Variants in ATP5PF observed in about 807,000 individuals in gnomAD.
The protein encoded by ATP5PF is ATP synthase peripheral stalk subunit F6.
A neutral mutation model predicts 12.0 loss-of-function variants in ATP5PF; 7 were observed. The ratio of observed to expected loss-of-function variants is 0.58; its 90% CI spans 0.33 to 1.10. ATP5PF has a LOEUF of 1.10. Among genes scored for constraint, ATP5PF ranks in the 50% least tolerant of loss-of-function variants. ATP5PF has a pLI of 0.03. For missense variants in ATP5PF, 120 were observed against 127.7 expected, an observed-to-expected ratio of 0.94 and a Z score of 0.29; for synonymous variants, 41 against 45.4, an observed-to-expected ratio of 0.90 and a Z score of 0.39.
At position 25,729,746 on chromosome 21, in the gene ATP5PF, C is replaced by T. The variant is rs368127706; in HGVS notation, c.49G>A (p.Val17Ile). ...FRFSSVIRSA[V>I]SVHLRRNIGV... The stretch of plus-strand genomic sequence containing the variant: ...ATGTTCCTCCGCAAATGGACTGAGA[C>T]GGCTGACCGAATGACAGAGGAGAAC... Residue 17 changes from valine to isoleucine, a missense_variant, in exon 2 of 4, where the codon GTC (valine) becomes ATC (isoleucine). By Grantham distance (29) the Val-to-Ile change is conservative. Coordinates refer to ENST00000284971, the MANE Select transcript of ATP5PF (RefSeq NM_001003703.2). 2.0e-5 allele frequency: 32 copies of T among 1,613,744 alleles called. No individual in the cohort carries two copies. Among genetic ancestry groups the T allele is most frequent in the Middle Eastern group, 1.7e-4 (1 of 5,910 alleles).
upstream of ATP5PF, chr21:25,735,043 G>A: frequency 2.2e-6 from 3 of 1,382,746 alleles, no homozygotes; most frequent in Middle Eastern, 1.8e-4. Flanking sequence ...AGGTGAGACA[G>A]AAGCCAAACA....
intron 1 of ATP5PF, among the ~76,000 whole-genome samples, chr21:25,732,276 C>T (rs1249174637): frequency 6.6e-6 from 1 of 152,180 alleles, no homozygotes; most frequent in African/African-American, 2.4e-5. Flanking sequence ...CCTCCCACCC[C>T]TAAGAATTAT....
In ATP5PF at chr21:25,734,865, C is replaced by T. The variant is rs2034960739; in HGVS notation, c.-20G>A. ...CCCTCCCAGTCACCTTGCACTCAGT[C>T]CCGAGCTGCCAAAGCCTCCGCCGCC... On this transcript the variant is annotated 5_prime_UTR_variant, in exon 1 of 4. Transcript: ENST00000284971. 1.9e-6 allele frequency: 3 copies of T among 1,543,534 alleles called. No homozygotes were observed. The highest frequency in any genetic ancestry group is 2.7e-5 in the African/African-American group (2 of 73,112).
intron 2 of ATP5PF, among the ~76,000 whole-genome samples, chr21:25,726,765 T>C (rs2123441506): frequency 6.6e-6 from 1 of 152,380 alleles, no homozygotes; most frequent in South Asian, 2.1e-4. Context: ...TCATAAATAC[T>C]ACTGCCTACC....
At chr21:25,725,051 C>T (rs2034579769) in intron 3 of ATP5PF, 175 bp downstream of exon 3, 1 of 809,842 alleles carries the variant, frequency 1.2e-6, no homozygotes, top group Non-Finnish European at 1.9e-6. Context: ...ATGTGATCTC[C>T]TATACTGCTC....
intron 2 of ATP5PF, among the ~76,000 whole-genome samples, chr21:25,725,702 G>A (rs1335032548): frequency 6.6e-6 from 1 of 152,184 alleles, no homozygotes; most frequent in Non-Finnish European, 1.5e-5. Context: ...CCTCCCATAA[G>A]TGCTCGGATT....
intron 1 of ATP5PF, among the ~76,000 whole-genome samples, chr21:25,733,271 T>G (rs2034853714): frequency 6.6e-6 from 1 of 152,072 alleles, no homozygotes; most frequent in African/African-American, 2.4e-5. Context: ...GGCTCACGCT[T>G]GTAATCCCAG....
upstream of ATP5PF, chr21:25,734,914 C>G: frequency 6.4e-7 from 1 of 1,568,268 alleles, no homozygotes; most frequent in Non-Finnish European, 8.6e-7. Context: ...TACTTCCGGC[C>G]CTGGCTCCGC....
chr21:25,734,641 A>T, intron 1 of ATP5PF: 1 of 449,124 alleles, frequency 2.2e-6, no homozygotes, highest in South Asian at 5.2e-5. Flanking sequence ...TTGCCCTCAG[A>T]GAGGGTATCG....
upstream of ATP5PF, chr21:25,735,158 G>A: frequency 3.1e-6 from 2 of 638,462 alleles, no homozygotes; most frequent in South Asian, 3.6e-5. Flanking sequence ...TTGAAACCTT[G>A]CTCTGTACGC....
At chr21:25,728,121 C>T (rs1358906567) in intron 2 of ATP5PF, among the ~76,000 whole-genome samples, 1 of 152,174 alleles carries the variant, frequency 6.6e-6, no homozygotes, top group Non-Finnish European at 1.5e-5. Context: ...GCTATAAAGT[C>T]AAGGTTCTCA....
chr21:25,732,493 A>C (rs1433158674), intron 1 of ATP5PF, among the ~76,000 whole-genome samples: 1 of 151,816 alleles, frequency 6.6e-6, no homozygotes, highest in Non-Finnish European at 1.5e-5. Context: ...CAGAAAAAAA[A>C]AAAATAGCCA....
At chr21:25,729,866 A>C in intron 1 of ATP5PF, 65 bp from the exon 2 acceptor site, 1 of 1,497,780 alleles carries the variant, frequency 6.7e-7, no homozygotes, top group Non-Finnish European at 9.0e-7. Flanking sequence ...TAAATATATC[A>C]TGAGAATCAA....
intron 1 of ATP5PF, chr21:25,734,276 C>G: frequency 7.2e-6 from 7 of 965,840 alleles, no homozygotes; most frequent in Non-Finnish European, 8.6e-6. Flanking sequence ...AAACACTAGT[C>G]TGAGCAGAGG....
In ATP5PF at chr21:25,725,325, T is replaced by C. The variant is rs2123437587; in HGVS notation, c.190A>G (p.Ser64Gly). ...TCCAGCTCTTGCTGATACTCTGAAC[T>C]AGCATCAACAGGTCCTCCAGATGTC... is the stretch of plus-strand genomic sequence containing the variant. Reference protein sequence around the residue: ...RQTSGGPVDASSEYQQELERE... With the variant: ...RQTSGGPVDAGSEYQQELERE... The change falls in exon 3 of 4, where the codon AGT (serine) becomes GGT (glycine). Residue 64 changes from serine (S) to glycine (G), a missense_variant. Physicochemically the swap from Ser to Gly is moderately conservative, Grantham distance 56. Coordinates refer to ENST00000284971, the MANE Select transcript of ATP5PF (RefSeq NM_001003703.2). 1 of 1,608,386 alleles carries C rather than the reference T, an allele frequency of 6.2e-7. No homozygotes were observed. Among genetic ancestry groups the C allele is most frequent in the Non-Finnish European group, 8.5e-7 (1 of 1,178,972 alleles).
chr21:25,724,644 G>A lies in ATP5PF; in HGVS notation c.323C>T (p.Ala108Val). The change falls in exon 4 of 4, where the codon GCC becomes GTC. Residue 108 changes from alanine (A) to valine (V), a missense_variant. Ala to Val is a moderately conservative substitution (Grantham distance 64). Transcript: ENST00000284971. ...GATTAATTTTACTTTATTTCTTCAG[G>A]CCTGGGGTTTTTCGATGACTTCAAA... ...PKFEVIEKPQA is the reference protein window; with the variant it reads ...PKFEVIEKPQV 1 of 1,599,452 alleles carries A rather than the reference G, an allele frequency of 6.3e-7. No homozygotes were observed. Among genetic ancestry groups the A allele is most frequent in the Non-Finnish European group, 8.5e-7 (1 of 1,176,210 alleles).
At chr21:25,729,458 T>TA (rs1406064810) in intron 2 of ATP5PF, among the ~76,000 whole-genome samples, 173 bp downstream of exon 2, 2 of 152,158 alleles carry the variant, frequency 1.3e-5, no homozygotes, top group African/African-American at 4.8e-5. Context: ...GTTTCTGACT[T>TA]AAAAAAATCA....
At chr21:25,730,577 T>C (rs2034736166) in intron 1 of ATP5PF, among the ~76,000 whole-genome samples, 1 of 151,256 alleles carries the variant, frequency 6.6e-6, no homozygotes, top group South Asian at 2.1e-4. Context: ...CTATTAAAAA[T>C]ACAAAAATTA....
At chr21:25,735,538 C>G (rs1297711098), upstream of ATP5PF, 1 of 153,348 alleles carries the variant, frequency 6.5e-6, no homozygotes, top group Admixed American at 6.5e-5. Flanking sequence ...TCAGCCGGCT[C>G]TGGAGTGCGG....
Sources: allele counts gnomAD v4.1 joint callset (sites outside exome capture counted in the v4.1 genomes callset), GRCh38; gene constraint gnomAD v4.1.1; transcripts MANE v1.5; gene names NCBI Gene and HGNC (gene_info 2026-07-23, HGNC 2026-07-21).